Variants in PCDH15 observed in about 807,000 individuals in gnomAD.
PCDH15 encodes the protein protocadherin-15.
Under a neutral mutation model 178.5 loss-of-function variants are expected in PCDH15, and 129 were observed. The observed-to-expected ratio is 0.72, with a 90% CI of 0.63 to 0.84. The LOEUF is 0.84. PCDH15 is among the 40% of genes least tolerant of loss of function. The probability of loss-of-function intolerance (pLI) is 0.00; values close to 1 mark genes in which losing one functional copy is unlikely to be tolerated. For synonymous variants in PCDH15, 800 were observed against 732.0 expected, an observed-to-expected ratio of 1.09 and a Z score of -1.50; for missense variants, 2,230 against 2,099.9, an observed-to-expected ratio of 1.06 and a Z score of -1.21.
intron 26 of PCDH15, among the ~76,000 whole-genome samples, chr10:53,884,181 G>A (rs2080932089): frequency 6.6e-6 from 1 of 152,188 alleles, no homozygotes; most frequent in Admixed American, 6.5e-5. Flanking sequence ...GGCTGACACT[G>A]ACAACTACTG....
At chr10:54,218,316 A>G (rs900621245) in intron 9 of PCDH15, among the ~76,000 whole-genome samples, 1 of 152,100 alleles carries the variant, frequency 6.6e-6, no homozygotes, top group South Asian at 2.1e-4. Flanking sequence ...CATACATACC[A>G]CTCAATAGAA....
chr10:54,366,682 T>TG (rs1946853404), intron 5 of PCDH15, among the ~76,000 whole-genome samples: 1 of 101,826 alleles, frequency 9.8e-6, no homozygotes, highest in Non-Finnish European at 2.2e-5. Context: ...TTTCTATTTT[T>TG]TTTTTGATGC....
At chr10:53,822,147 G>T in intron 32 of PCDH15, 1 of 1,613,998 alleles carries the variant, frequency 6.2e-7, no homozygotes, top group South Asian at 1.1e-5. Context: ...TGTCATAGAG[G>T]ACTTAATTTT....
At chr10:55,254,192 T>C (rs1258111957) in intron 1 of PCDH15, among the ~76,000 whole-genome samples, 1 of 152,186 alleles carries the variant, frequency 6.6e-6, no homozygotes, top group Non-Finnish European at 1.5e-5. Context: ...ATCTGGTTAT[T>C]TATATGTATG....
intron 25 of PCDH15, among the ~76,000 whole-genome samples, chr10:53,935,699 G>GT (rs2085510518): frequency 6.6e-6 from 1 of 152,094 alleles, no homozygotes; most frequent in South Asian, 2.1e-4. Flanking sequence ...CCCATTTTGA[G>GT]TATGATAGTG....
intron 2 of PCDH15, among the ~76,000 whole-genome samples, chr10:54,659,918 T>C (rs539626793): frequency 1.3e-4 from 20 of 152,088 alleles, no homozygotes; most frequent in Non-Finnish European, 2.6e-4. Flanking sequence ...ACCAAAACTC[T>C]GGGATACAAT....
At chr10:55,511,742 A>C (rs1195785582) in intron 2 of PCDH15, among the ~76,000 whole-genome samples, 1 of 152,080 alleles carries the variant, frequency 6.6e-6, no homozygotes, top group African/African-American at 2.4e-5. Context: ...TAGTTGATTC[A>C]GTTATGTATT....
chr10:54,498,921 G>A (rs1039714356), intron 3 of PCDH15, among the ~76,000 whole-genome samples: 2 of 152,090 alleles, frequency 1.3e-5, no homozygotes, highest in Middle Eastern at 3.2e-3. Context: ...CACATGGCCA[G>A]AGGAGGAGAG....
intron 28 of PCDH15, among the ~76,000 whole-genome samples, chr10:53,853,833 G>T (rs1226394703): frequency 6.6e-6 from 1 of 152,018 alleles, no homozygotes; most frequent in Non-Finnish European, 1.5e-5. Flanking sequence ...TGGTGAAATT[G>T]TAAAATGGTG....
At chr10:54,642,133 T>C (rs78467853) in intron 2 of PCDH15, among the ~76,000 whole-genome samples, 1 of 151,966 alleles carries the variant, frequency 6.6e-6, no homozygotes, top group Non-Finnish European at 1.5e-5. Flanking sequence ...ACAGCCCTTA[T>C]GAGTGGGATT....
chr10:54,357,683 C>CA (rs1219623380), intron 5 of PCDH15, among the ~76,000 whole-genome samples: 6 of 151,966 alleles, frequency 3.9e-5, no homozygotes, highest in Non-Finnish European at 8.8e-5. Context: ...CATATGACAC[C>CA]AAAAAAGAGC....
intron 2 of PCDH15, among the ~76,000 whole-genome samples, chr10:55,078,249 C>T (rs1841957960): frequency 6.6e-6 from 1 of 151,954 alleles, no homozygotes; most frequent in African/African-American, 2.4e-5. Context: ...TTGGAATTAT[C>T]TCTTTGTTTT....
chr10:54,675,346 T>C (rs1305533345), intron 1 of PCDH15, among the ~76,000 whole-genome samples: 2 of 152,072 alleles, frequency 1.3e-5, no homozygotes, highest in Admixed American at 6.5e-5. Flanking sequence ...TTATTAATTT[T>C]CCAAAAGTCA....
intron 2 of PCDH15, among the ~76,000 whole-genome samples, chr10:55,365,388 G>C (rs1845329831): frequency 6.6e-6 from 1 of 152,108 alleles, no homozygotes; most frequent in Admixed American, 6.6e-5. Context: ...TCTGTGGAAT[G>C]CACTTGTCTT....
chr10:54,608,232 C>T (rs779830875), intron 2 of PCDH15, among the ~76,000 whole-genome samples: 11 of 151,458 alleles, frequency 7.3e-5, no homozygotes, highest in Non-Finnish European at 1.0e-4. Flanking sequence ...CTGTGGGAGG[C>T]CGAGGTGGCT....
At chr10:54,866,072 A>G (rs535278090) in intron 3 of PCDH15, among the ~76,000 whole-genome samples, 1 of 152,344 alleles carries the variant, frequency 6.6e-6, no homozygotes, top group East Asian at 1.9e-4. Flanking sequence ...AAGTAAGTCA[A>G]TAAAACATGG....
intron 3 of PCDH15, among the ~76,000 whole-genome samples, chr10:54,481,122 C>T (rs931585836): frequency 1.3e-5 from 2 of 151,756 alleles, no homozygotes; most frequent in African/African-American, 4.8e-5. Flanking sequence ...AATTCTCACC[C>T]ACTTACTCAA....
At chr10:55,464,033 GAAAGAAAGAAAGAA>G (rs1342904930) in intron 2 of PCDH15, among the ~76,000 whole-genome samples, 2 of 121,674 alleles carry the variant, frequency 1.6e-5, no homozygotes, top group Non-Finnish European at 3.5e-5. Context: ...AAGAAAGAAA[GAAAGAAAGAAAGAA>G]AGAAAGAAAG....
At chr10:54,515,052 G>T (rs569237571) in intron 3 of PCDH15, among the ~76,000 whole-genome samples, 1 of 152,318 alleles carries the variant, frequency 6.6e-6, no homozygotes, top group East Asian at 1.9e-4. Flanking sequence ...CGTGAGTGAC[G>T]CAGAAGACAG....
Sources: allele counts gnomAD v4.1 joint callset (sites outside exome capture counted in the v4.1 genomes callset), GRCh38; gene constraint gnomAD v4.1.1; transcripts MANE v1.5; gene names NCBI Gene and HGNC (gene_info 2026-07-23, HGNC 2026-07-21).